Variants in ABCB11 observed in about 807,000 individuals in gnomAD.
ABCB11 encodes bile salt export pump.
ABCB11 carries 95 observed loss-of-function variants against 148.0 expected under a neutral mutation model. The ratio of observed to expected loss-of-function variants is 0.64; its 90% CI spans 0.54 to 0.76. The LOEUF is 0.76. ABCB11 is among the 30% of genes least tolerant of loss of function. The pLI is 0.00. For synonymous variants in ABCB11, 591 were observed against 555.4 expected (o/e 1.06, Z -0.90); for missense variants, 1,523 against 1,617.8 (o/e 0.94, Z 1.01).
At chr2:168,951,419 A>G (rs568488076) in intron 19 of ABCB11, among the ~76,000 whole-genome samples, 47 of 151,560 alleles carry the variant, frequency 3.1e-4, no homozygotes, top group African/African-American at 9.4e-4. Context: ...TGTGGCATCT[A>G]TGATTTCTTT....
chr2:168,993,355 C>T (rs1443732872), intron 8 of ABCB11, among the ~76,000 whole-genome samples: 1 of 151,962 alleles, frequency 6.6e-6, no homozygotes, highest in East Asian at 1.9e-4. Flanking sequence ...CAGACAAATC[C>T]CCTTACCTTT....
At chr2:169,012,750 A>AG (rs1463813274) in intron 5 of ABCB11, among the ~76,000 whole-genome samples, 1 of 144,240 alleles carries the variant, frequency 6.9e-6, no homozygotes, top group Non-Finnish European at 1.5e-5. Context: ...AAAAAAAAAA[A>AG]AAAAGAAAAA....
At chr2:168,959,940 A>AAAAAAAAAAAAAAAAAAAAC (rs1692987733) in intron 18 of ABCB11, among the ~76,000 whole-genome samples, 1 of 150,214 alleles carries the variant, frequency 6.7e-6, no homozygotes, top group Non-Finnish European at 1.5e-5. Flanking sequence ...TCTCCAAAAA[A>AAAAAAAAAAAAAAAAAAAAC]AAAAAAAAAA....
In ABCB11 at chr2:168,969,403, A is replaced by G. The variant is rs764500328; in HGVS notation, c.1958T>C (p.Leu653Pro). ...LLERKGVYFT[L>P]VTLQSQGNQA... ...ATTTCCCTGGCTTTGCAAAGTCACT[A>G]GAGTGAAGTAAACACCTTTCCTTTC... The change falls in exon 16 of 28, where the codon CTA becomes CCA. Residue 653 changes from leucine (L) to proline (P), a missense_variant. By Grantham distance (98) the Leu-to-Pro change is moderately conservative. Coordinates refer to ENST00000650372, the MANE Select transcript of ABCB11 (RefSeq NM_003742.4). The G allele has an allele frequency of 6.2e-7, 1 of 1,612,652 alleles. No homozygotes were observed. Among genetic ancestry groups the G allele is most frequent in the South Asian group, 1.1e-5 (1 of 91,006 alleles).
At chr2:168,924,255 C>T (rs1691206306) in intron 27 of ABCB11, among the ~76,000 whole-genome samples, 1 of 152,150 alleles carries the variant, frequency 6.6e-6, no homozygotes. Context: ...TGCTCAATTG[C>T]ATCTTCTTTC....
At chr2:168,986,788 G>C (rs1043209114) in intron 9 of ABCB11, among the ~76,000 whole-genome samples, 2 of 148,936 alleles carry the variant, frequency 1.3e-5, no homozygotes, top group African/African-American at 5.1e-5. Context: ...CACTGGTCAG[G>C]TTCACAGCCA....
At chr2:168,993,599 G>A (rs1694613514) in intron 8 of ABCB11, 112 bp downstream of exon 8, 2 of 936,044 alleles carry the variant, frequency 2.1e-6, no homozygotes, top group South Asian at 1.8e-5. Context: ...CATGAAGATA[G>A]TGATAATTAT....
chr2:168,988,846 G>C (rs1694418133), intron 9 of ABCB11, among the ~76,000 whole-genome samples: 1 of 152,070 alleles, frequency 6.6e-6, no homozygotes, highest in Non-Finnish European at 1.5e-5. Flanking sequence ...GTTTTGACTT[G>C]TGTTTCCTTG....
At chr2:169,006,798 C>T (rs1374755999) in intron 5 of ABCB11, among the ~76,000 whole-genome samples, 1 of 152,022 alleles carries the variant, frequency 6.6e-6, no homozygotes, top group Non-Finnish European at 1.5e-5. Context: ...AAAACAATTC[C>T]ATTTATGATA....
chr2:168,964,863 T>C (rs188016871), intron 17 of ABCB11, among the ~76,000 whole-genome samples: 2 of 151,860 alleles, frequency 1.3e-5, no homozygotes, highest in Non-Finnish European at 2.9e-5. Flanking sequence ...TTTAGCTCAA[T>C]GTGTTCATTC....
intron 5 of ABCB11, among the ~76,000 whole-genome samples, chr2:169,000,802 T>G (rs545906390): frequency 1.3e-5 from 2 of 152,294 alleles, no homozygotes; most frequent in East Asian, 3.9e-4. Flanking sequence ...CTTTTCTATA[T>G]CTACAAAAAA....
intron 23 of ABCB11, among the ~76,000 whole-genome samples, chr2:168,934,576 C>A (rs1424448245): frequency 6.6e-6 from 1 of 152,178 alleles, no homozygotes; most frequent in Non-Finnish European, 1.5e-5. Context: ...TAGGAGGAGT[C>A]AGTTGGGAGG....
chr2:169,024,145 G>A (rs1373347027), intron 1 of ABCB11, among the ~76,000 whole-genome samples: 1 of 152,008 alleles, frequency 6.6e-6, no homozygotes, highest in Non-Finnish European at 1.5e-5. Flanking sequence ...CATGGCACAC[G>A]TTTACCTATG....
At chr2:168,968,685 A>G (rs1693424701) in intron 16 of ABCB11, among the ~76,000 whole-genome samples, 195 bp from the exon 17 acceptor site, 1 of 151,974 alleles carries the variant, frequency 6.6e-6, no homozygotes. Flanking sequence ...ATACTCAGCA[A>G]GACTGAGTCA....
intron 16 of ABCB11, 94 bp from the exon 17 acceptor site, chr2:168,968,584 T>G: frequency 9.5e-7 from 1 of 1,050,366 alleles, no homozygotes. Flanking sequence ...AGAATATAAT[T>G]ACTATGTCAA....
At chr2:168,954,702 G>A (rs1370944424) in intron 19 of ABCB11, among the ~76,000 whole-genome samples, 1 of 151,590 alleles carries the variant, frequency 6.6e-6, no homozygotes, top group Non-Finnish European at 1.5e-5. Flanking sequence ...ATATATAATG[G>A]TGAATTCCTT....
chr2:169,017,989 G>T, intron 2 of ABCB11, 61 bp downstream of exon 2: 1 of 1,402,644 alleles, frequency 7.1e-7, no homozygotes, highest in Non-Finnish European at 1.0e-6. Flanking sequence ...TGACCAGCTT[G>T]TCCTACTTTT....
intron 13 of ABCB11, among the ~76,000 whole-genome samples, chr2:168,972,965 G>C (rs1305243842): frequency 6.6e-6 from 1 of 151,984 alleles, no homozygotes; most frequent in Non-Finnish European, 1.5e-5. Flanking sequence ...GTGACAATAA[G>C]TAATCATTTT....
At chr2:169,018,252 T>C in intron 1 of ABCB11, 100 bp from the exon 2 acceptor site, 1 of 1,055,844 alleles carries the variant, frequency 9.5e-7, no homozygotes, top group East Asian at 2.5e-5. Flanking sequence ...AGAAATAATC[T>C]TTACTAATCA....
Sources: allele counts gnomAD v4.1 joint callset (sites outside exome capture counted in the v4.1 genomes callset), GRCh38; gene constraint gnomAD v4.1.1; transcripts MANE v1.5; gene names NCBI Gene and HGNC (gene_info 2026-07-23, HGNC 2026-07-21).